TNFRSF1B: variants seen among roughly 807,000 people sequenced by gnomAD.
TNFRSF1B encodes the protein TNF receptor superfamily member 1B, also known as tumor necrosis factor receptor superfamily member 1B.
TNFRSF1B carries 19 observed loss-of-function variants against 44.6 expected under a neutral mutation model. That is an observed-to-expected ratio of 0.43 (90% CI 0.30 to 0.62). The LOEUF (loss-of-function observed/expected upper bound fraction) is 0.62. Ranked by LOEUF, TNFRSF1B falls within the 20% of genes least tolerant of loss-of-function variation. The pLI is 0.16. For synonymous variants in TNFRSF1B, 252 were observed against 261.1 expected, an observed-to-expected ratio of 0.97 and a Z score of 0.34; for missense variants, 541 against 619.9, an observed-to-expected ratio of 0.87 and a Z score of 1.35.
chr1:12,173,222 C>A (rs1032239071), intron 1 of TNFRSF1B, among the ~76,000 whole-genome samples: 24 of 152,248 alleles, frequency 1.6e-4, no homozygotes, highest in Admixed American at 9.2e-4. Flanking sequence ...GGTTCCAATG[C>A]TTTCCTAGAA....
chr1:12,174,180 T>TTCTCCTTCTCCTTCTCCTTCTCC (rs1638594584), intron 1 of TNFRSF1B, among the ~76,000 whole-genome samples: 1 of 82,574 alleles, frequency 1.2e-5, no homozygotes, highest in Non-Finnish European at 2.5e-5. Flanking sequence ...CTCCTTCTCC[T>TTCTCCTTCTCCTTCTCCTTCTCC]TCTCCTTCTC....
intron 3 of TNFRSF1B, among the ~76,000 whole-genome samples, chr1:12,191,489 G>A (rs5746020): frequency 9.0e-4 from 136 of 151,884 alleles, no homozygotes; most frequent in Admixed American, 6.3e-3. Flanking sequence ...CTGTGGGGAG[G>A]AGCGGGACTT....
At chr1:12,189,000 G>T (rs1639051073) in intron 2 of TNFRSF1B, 105 bp downstream of exon 2, 1 of 986,672 alleles carries the variant, frequency 1.0e-6, no homozygotes, top group Non-Finnish European at 1.5e-6. Context: ...TGAACTCCTA[G>T]TTCTATGCAC....
chr1:12,167,344 C>T (rs1405400701), intron 1 of TNFRSF1B, among the ~76,000 whole-genome samples, 175 bp downstream of exon 1: 2 of 152,070 alleles, frequency 1.3e-5, no homozygotes, highest in African/African-American at 4.8e-5. Flanking sequence ...TGGGGACCCG[C>T]TGGGGACTCC....
chr1:12,174,129 T>C (rs1028284254), intron 1 of TNFRSF1B, among the ~76,000 whole-genome samples: 1 of 61,004 alleles, frequency 1.6e-5, no homozygotes, highest in African/African-American at 8.1e-5. Context: ...CCATTTCTTC[T>C]TCTTCTTCTT....
rs1475041139 is a variant in TNFRSF1B at position 12,209,143 on chromosome 1, G to A, written c.*2123G>A. On this transcript the variant is annotated 3_prime_UTR_variant, in exon 10 of 10. Transcript: ENST00000376259. ...GGGGCCTTGGTTCCCTTGTGTGTGTGTGTTGATCCCAAGACAATGAAAGTT... is the reference window on the plus strand; with the variant it reads ...GGGGCCTTGGTTCCCTTGTGTGTGTATGTTGATCCCAAGACAATGAAAGTT... 6.6e-6 allele frequency: 1 copy of A among 152,268 alleles called. No individual in the cohort carries two copies. The highest frequency in any genetic ancestry group is 1.5e-5 in the Non-Finnish European group (1 of 68,098). 9.4% of individuals were successfully genotyped at this position (152,268 alleles called of 1,614,324 possible).
Position 12,194,009 on chromosome 1 carries a change from G to C in TNFRSF1B, c.842G>C (p.Cys281Ser), listed in dbSNP as rs1486420732. 6 of 1,613,978 alleles carry C rather than the reference G, an allele frequency of 3.7e-6. No individual in the cohort carries two copies. In the East Asian group the frequency reaches 1.3e-4, roughly 36 times the overall value. ...LGLLIIGVVN[C>S]VIMTQVKKKP... ...CTACTAATAATAGGAGTGGTGAACT[G>C]TGTCATCATGACCCAGGTGAAAAGT... Residue 281 changes from cysteine to serine, a missense_variant, in exon 7 of 10, where the codon TGT becomes TCT. Coordinates refer to ENST00000376259, the MANE Select transcript of TNFRSF1B (RefSeq NM_001066.3).
intron 6 of TNFRSF1B, among the ~76,000 whole-genome samples, chr1:12,193,636 A>G (rs1266186118): frequency 6.6e-6 from 1 of 152,184 alleles, no homozygotes; most frequent in Non-Finnish European, 1.5e-5. Flanking sequence ...AATTCACCTG[A>G]ATATGCAGAT....
At position 12,177,393 on chromosome 1, in the gene TNFRSF1B, C is replaced by G. The variant is rs561558599; in HGVS notation, c.78+10224C>G. On this transcript the variant is annotated intron_variant, in intron 1 of 9. Transcript: ENST00000376259. This position sits in a 1 kb window ranked among gnomAD's most constrained non-coding sequence, Gnocchi z 4.3. ...ACAGGGCCAGCCCGGTCCTGGTCAC[C>G]GCTGGCTGGTTACCCCGGCTGGGTT... Among the ~76,000 whole-genome samples, 1 of 152,146 alleles carries G rather than the reference C, an allele frequency of 6.6e-6. No individual in the cohort carries two copies. Among genetic ancestry groups the G allele is most frequent in the Non-Finnish European group, 1.5e-5 (1 of 68,016 alleles).
Position 12,187,663 on chromosome 1 carries a change from C to T in TNFRSF1B, c.79-1133C>T, listed in dbSNP as rs1478244476. On this transcript the variant is annotated intron_variant, in intron 1 of 9. Transcript: ENST00000376259. The surrounding 1 kb of genome is among the most constrained non-coding windows in gnomAD (Gnocchi z 5.5). ...GCTGCAGTAGGGAAACCGTCTCCATCTTCATTGGGTGGTTGGGAAGTCTTG... is the reference window on the plus strand; with the variant it reads ...GCTGCAGTAGGGAAACCGTCTCCATTTTCATTGGGTGGTTGGGAAGTCTTG... 6.6e-6 allele frequency among the ~76,000 whole-genome samples: 1 copy of T among 152,212 alleles called. No homozygotes were observed. Among genetic ancestry groups the T allele is most frequent in the Non-Finnish European group, 1.5e-5 (1 of 68,044 alleles).
At chr1:12,191,298 C>T (rs1323815199) in intron 3 of TNFRSF1B, among the ~76,000 whole-genome samples, 1 of 152,262 alleles carries the variant, frequency 6.6e-6, no homozygotes, top group Non-Finnish European at 1.5e-5. Flanking sequence ...GGTGGGAGAA[C>T]TGTGCCCACG....
intron 1 of TNFRSF1B, among the ~76,000 whole-genome samples, chr1:12,173,948 T>C (rs1261046496): frequency 6.6e-6 from 1 of 151,950 alleles, no homozygotes; most frequent in Non-Finnish European, 1.5e-5. Context: ...TGTTCGCTGA[T>C]GGGGGGTTGG....
chr1:12,168,182 G>A lies in TNFRSF1B; in HGVS notation c.78+1013G>A, dbSNP rs1172977840. On this transcript the variant is annotated intron_variant, in intron 1 of 9. Coordinates refer to ENST00000376259, the MANE Select transcript of TNFRSF1B (RefSeq NM_001066.3). This position sits in a 1 kb window ranked among gnomAD's most constrained non-coding sequence, Gnocchi z 4.7. ...CCCTGTGCCCTGAGGCTGCGGGGAA[G>A]GTGGGCGTTCATCCTTCCTCAGAGC... Among the ~76,000 whole-genome samples the A allele has an allele frequency of 3.3e-5, 5 of 152,238 alleles. No individual in the cohort carries two copies. Among genetic ancestry groups the A allele is most frequent in the Non-Finnish European group, 5.9e-5 (4 of 68,046 alleles).
Position 12,168,211 on chromosome 1 carries a change from C to G in TNFRSF1B, c.78+1042C>G, listed in dbSNP as rs1293581727. Among the ~76,000 whole-genome samples the G allele has an allele frequency of 6.6e-6, 1 of 152,240 alleles. No individual in the cohort carries two copies. Among genetic ancestry groups the G allele is most frequent in the East Asian group, 1.9e-4 (1 of 5,198 alleles). ...GGCGTTCATCCTTCCTCAGAGCCGC[C>G]CCTGATGGACACATGGCCCATCTGC... On this transcript the variant is annotated intron_variant, in intron 1 of 9. Coordinates refer to ENST00000376259, the MANE Select transcript of TNFRSF1B (RefSeq NM_001066.3). The surrounding 1 kb of genome is among the most constrained non-coding windows in gnomAD (Gnocchi z 4.7).
Position 12,191,779 on chromosome 1 carries a change from G to T in TNFRSF1B, c.313G>T (p.Val105Leu). The T allele has an allele frequency of 6.2e-7, 1 of 1,613,542 alleles. No homozygotes were observed. Among genetic ancestry groups the T allele is most frequent in the Non-Finnish European group, 8.5e-7 (1 of 1,179,794 alleles). ...SCGSRCSSDQVETQACTREQN... is the reference protein window; with the variant it reads ...SCGSRCSSDQLETQACTREQN... The stretch of plus-strand genomic sequence containing the variant: ...CCGCCCTCTCGCTGCTCTAGACCAG[G>T]TGGAAACTCAAGCCTGCACTCGGGA... The change falls in exon 4 of 10, where the codon GTG becomes TTG. Residue 105 changes from valine (V) to leucine (L), a missense_variant. Coordinates refer to ENST00000376259, the MANE Select transcript of TNFRSF1B (RefSeq NM_001066.3).
intron 9 of TNFRSF1B, among the ~76,000 whole-genome samples, 163 bp downstream of exon 9, chr1:12,202,334 T>C (rs1639412726): frequency 6.6e-6 from 1 of 152,260 alleles, no homozygotes; most frequent in South Asian, 2.1e-4. Context: ...CCTCCCGCCT[T>C]TGCCCATGCT....
At position 12,174,160 on chromosome 1, in the gene TNFRSF1B, T is replaced by TCTC. The variant is rs61393750; in HGVS notation, c.78+6993_78+6994insCCT. On this transcript the variant is annotated intron_variant, in intron 1 of 9. Coordinates refer to ENST00000376259, the MANE Select transcript of TNFRSF1B (RefSeq NM_001066.3). Reference sequence around the variant, plus strand: ...TTCTTCTTCTTCTTCTTCTTCTTCTTCTTCTCCTTCTCCTTCTCCTTCTCC... The same window carrying TCTC: ...TTCTTCTTCTTCTTCTTCTTCTTCTTCTCCTTCTCCTTCTCCTTCTCCTTCTCC... Among the ~76,000 whole-genome samples, 113 of 67,700 alleles carry TCTC rather than the reference T, an allele frequency of 1.7e-3. 1 individual carries two copies. The highest frequency in any genetic ancestry group is 3.3e-3 in the East Asian group (4 of 1,222). 44.4% of individuals were successfully genotyped at this position (67,700 alleles called of 152,430 possible). A position where few individuals can be genotyped will look rare whatever the true frequency, so the allele number is the denominator to read the frequency against.
At chr1:12,193,843 G>A (rs1221305482) in intron 6 of TNFRSF1B, 112 bp from the exon 7 acceptor site, 11 of 759,594 alleles carry the variant, frequency 1.4e-5, no homozygotes, top group Admixed American at 6.3e-5. Context: ...GCCTAGACTC[G>A]CCCCTCATTT....
Position 12,194,629 on chromosome 1 carries a change from C to T in TNFRSF1B, c.900+11C>T, listed in dbSNP as rs775373098. The T allele has an allele frequency of 2.5e-6, 4 of 1,614,116 alleles. No homozygotes were observed. Among genetic ancestry groups the T allele is most frequent in the East Asian group, 2.2e-5 (1 of 44,884 alleles). On this transcript the variant is annotated intron_variant, in intron 8 of 9. Coordinates refer to ENST00000376259, the MANE Select transcript of TNFRSF1B (RefSeq NM_001066.3). ...AGAGAAGCCAAGGTGGTGAGTGTCT[C>T]CACTGCCCTCTCCCCCTCTTCCCCT...
Sources: gnomAD v4.1 joint callset for allele counts (sites outside exome capture counted in the v4.1 genomes callset) on GRCh38, gnomAD v4.1.1 for gene constraint, Gnocchi (gnomAD v3.1) non-coding constraint, MANE v1.5 for transcripts, NCBI Gene and HGNC (gene_info 2026-07-23, HGNC 2026-07-21) for gene names.